The following SNX29 variants were observed in gnomAD, a reference collection of about 807,000 sequenced individuals.
The protein encoded by SNX29 is sorting nexin-29.
In SNX29, 78 loss-of-function variants were observed where a neutral mutation model predicts 102.1. The observed-to-expected ratio is 0.76, with a 90% CI of 0.64 to 0.92. SNX29 has a LOEUF of 0.92. SNX29 is among the 40% of genes least tolerant of loss of function. The probability of loss-of-function intolerance (pLI) is 0.00; values close to 1 mark genes in which losing one functional copy is unlikely to be tolerated. For synonymous variants in SNX29, 580 were observed against 414.5 expected (o/e 1.40, Z -4.85); for missense variants, 1,280 against 1,061.7 (o/e 1.21, Z -2.86).
intron 14 of SNX29, among the ~76,000 whole-genome samples, chr16:12,246,860 A>G (rs1352458911): frequency 6.6e-6 from 1 of 152,076 alleles, no homozygotes; most frequent in African/African-American, 2.4e-5. Flanking sequence ...TGTGGAAGAC[A>G]TGTTGGAACT....
At chr16:12,524,921 CA>C in intron 20 of SNX29, 80 bp downstream of exon 20, 1 of 1,561,998 alleles carries the variant, frequency 6.4e-7, no homozygotes, top group South Asian at 1.2e-5. Flanking sequence ...TCAGGGAGCA[CA>C]GCGGCTCTCC....
chr16:12,404,675 T>C (rs909901470), intron 18 of SNX29, among the ~76,000 whole-genome samples: 3 of 152,220 alleles, frequency 2.0e-5, no homozygotes, highest in African/African-American at 7.2e-5. Flanking sequence ...AGTGGGGTGT[T>C]GAAGAAAGGA....
At chr16:12,410,842 C>T (rs2151544483) in intron 18 of SNX29, among the ~76,000 whole-genome samples, 1 of 152,328 alleles carries the variant, frequency 6.6e-6, no homozygotes, top group East Asian at 1.9e-4. Flanking sequence ...TGGCAGGCTG[C>T]ATGAGCTTCA....
intron 11 of SNX29, chr16:12,087,998 G>A (rs1243499663): frequency 4.4e-6 from 2 of 456,564 alleles, no homozygotes; most frequent in Non-Finnish European, 8.8e-6. Context: ...GGGGGCCATG[G>A]TCCTTTGGGG....
Position 12,572,569 on chromosome 16 carries a change from C to A in SNX29, c.*3940C>A. 1.9e-6 allele frequency: 2 copies of A among 1,064,106 alleles called. No individual in the cohort carries two copies. Among genetic ancestry groups the A allele is most frequent in the Non-Finnish European group, 2.3e-6 (2 of 878,460 alleles). 65.9% of individuals were successfully genotyped at this position (1,064,106 alleles called of 1,614,324 possible). A position where few individuals can be genotyped will look rare whatever the true frequency, so the allele number is the denominator to read the frequency against. On this transcript the variant is annotated 3_prime_UTR_variant, in exon 21 of 21. Coordinates refer to ENST00000566228, the MANE Select transcript of SNX29 (RefSeq NM_032167.5). ...ACCATCTGGCTCCTCACAGGGAGGT[C>A]CAGCCATGTTCTCTGGGCTCCCAGT... is the stretch of plus-strand genomic sequence containing the variant.
At chr16:12,205,540 A>G (rs2077023862) in intron 14 of SNX29, among the ~76,000 whole-genome samples, 2 of 151,058 alleles carry the variant, frequency 1.3e-5, no homozygotes, top group South Asian at 4.2e-4. Context: ...CTGATCCTCA[A>G]ACATGCCAGG....
intron 13 of SNX29, among the ~76,000 whole-genome samples, chr16:12,175,577 G>A (rs976955793): frequency 6.6e-6 from 1 of 151,896 alleles, no homozygotes; most frequent in African/African-American, 2.4e-5. Context: ...CTTGAACCTG[G>A]GAGGCAGAGG....
chr16:12,540,856 G>C (rs1597837267), intron 20 of SNX29, among the ~76,000 whole-genome samples: 1 of 152,194 alleles, frequency 6.6e-6, no homozygotes, highest in Non-Finnish European at 1.5e-5. Flanking sequence ...CCCTTTCTGA[G>C]CAGGAGTGCC....
rs1597731100 is a variant in SNX29, at chr16:12,524,243, C to T, written c.2179-459C>T. 2.6e-5 allele frequency among the ~76,000 whole-genome samples: 4 copies of T among 152,164 alleles called. No homozygotes were observed. The South Asian group carries it at 8.3e-4, about 32-fold the overall frequency. ...CAGTTGTTTTGTATTTCGAGAAACTCCCCTGAAGGCAAAATTAAGCCGGTG... is the reference window on the plus strand; with the variant it reads ...CAGTTGTTTTGTATTTCGAGAAACTTCCCTGAAGGCAAAATTAAGCCGGTG... On this transcript the variant is annotated intron_variant, in intron 19 of 20. Coordinates refer to ENST00000566228, the MANE Select transcript of SNX29 (RefSeq NM_032167.5).
chr16:12,392,631 C>G lies in SNX29; in HGVS notation c.1900-5815C>G, dbSNP rs139000000. Among the ~76,000 whole-genome samples, 25 of 152,250 alleles carry G rather than the reference C, an allele frequency of 1.6e-4. No individual in the cohort carries two copies. The East Asian group carries it at 3.7e-3, about 22-fold the overall frequency. ...AACTGATTCACAGAAGTGTGATAGT[C>G]TATGTTTGTGTGAGGTTTCAGTGCT... On this transcript the variant is annotated intron_variant, in intron 16 of 20. Transcript: ENST00000566228.
In SNX29 at chr16:11,980,087, C is replaced by T. The variant is rs115013787; in HGVS notation, c.7+3274C>T. 9.1e-3 allele frequency among the ~76,000 whole-genome samples: 1,388 copies of T among 152,190 alleles called. 15 individuals carry two copies. The highest frequency in any genetic ancestry group is 0.032 in the African/African-American group (1,309 of 41,526). On this transcript the variant is annotated intron_variant, in intron 1 of 20. Transcript: ENST00000566228. ...TTTTATTTTTTGGTATTTTCAGAGC[C>T]GTGTAAACATCACCATAGTTAATTT...
chr16:12,102,476 G>T (rs1388370151), intron 11 of SNX29, among the ~76,000 whole-genome samples: 2 of 152,178 alleles, frequency 1.3e-5, no homozygotes, highest in Admixed American at 6.5e-5. Flanking sequence ...GCGTGAGATG[G>T]TATCTCATTG....
At chr16:12,190,015 A>C (rs922047162) in intron 13 of SNX29, among the ~76,000 whole-genome samples, 1 of 152,220 alleles carries the variant, frequency 6.6e-6, no homozygotes, top group Admixed American at 6.5e-5. Context: ...TCCAGTTATC[A>C]GTAATATATT....
At chr16:12,470,774 A>T (rs2087300539) in intron 18 of SNX29, among the ~76,000 whole-genome samples, 1 of 152,252 alleles carries the variant, frequency 6.6e-6, no homozygotes, top group Admixed American at 6.5e-5. Context: ...ACATCCTATA[A>T]TTAGCCCTAA....
At chr16:12,075,815 C>T (rs1048026937) in intron 10 of SNX29, among the ~76,000 whole-genome samples, 6 of 152,240 alleles carry the variant, frequency 3.9e-5, no homozygotes, top group African/African-American at 1.2e-4. Flanking sequence ...GTGGTGAGCT[C>T]CACCCAGTTC....
At chr16:12,288,528 T>C (rs1002598658) in intron 15 of SNX29, among the ~76,000 whole-genome samples, 7 of 152,100 alleles carry the variant, frequency 4.6e-5, no homozygotes, top group African/African-American at 1.4e-4. Flanking sequence ...TAAAGCTGTT[T>C]TCTTCTACCT....
chr16:12,056,548 A>G (rs2050528488), intron 8 of SNX29, among the ~76,000 whole-genome samples: 2 of 152,162 alleles, frequency 1.3e-5, no homozygotes. Context: ...TGTGAGGGGA[A>G]TGCAGCCAGA....
chr16:12,118,143 C>T (rs1015380899), intron 11 of SNX29, among the ~76,000 whole-genome samples: 5 of 151,962 alleles, frequency 3.3e-5, no homozygotes, highest in African/African-American at 4.8e-5. Context: ...CCACCGCTCC[C>T]CACCCGCTTC....
rs540502470 is a variant in SNX29, at chr16:12,267,346, G to A, written c.1679-10587G>A. On this transcript the variant is annotated intron_variant, in intron 14 of 20. Coordinates refer to ENST00000566228, the MANE Select transcript of SNX29 (RefSeq NM_032167.5). ...CCCAAGCGGGGGATTTTGAAATTAA[G>A]CAGGCTGGGGTTTTCATCACTGGGT... Among the ~76,000 whole-genome samples the A allele has an allele frequency of 2.6e-5, 4 of 152,182 alleles. No individual in the cohort carries two copies. The East Asian group carries it at 5.8e-4, about 22-fold the overall frequency.
Sources: gnomAD v4.1 joint callset for allele counts (sites outside exome capture counted in the v4.1 genomes callset) on GRCh38, gnomAD v4.1.1 for gene constraint, MANE v1.5 for transcripts, NCBI Gene and HGNC (gene_info 2026-07-23, HGNC 2026-07-21) for gene names.